Variants in CHD9 observed in about 807,000 individuals in gnomAD.
CHD9 encodes the protein ATP-dependent chromatin remodeler CHD9.
CHD9 carries 77 observed loss-of-function variants against 316.1 expected under a neutral mutation model. That is an observed-to-expected ratio of 0.24 (90% confidence interval 0.20 to 0.29). The LOEUF is 0.29. CHD9 is among the 10% of genes least tolerant of loss of function. CHD9 has a pLI of 1.00. For missense variants in CHD9, 2,763 were observed against 3,438.1 expected (o/e 0.80, Z 4.91); for synonymous variants, 1,129 against 1,158.3 (o/e 0.97, Z 0.51).
At chr16:53,082,836 G>A (rs189337706) in intron 1 of CHD9, among the ~76,000 whole-genome samples, 28 of 152,264 alleles carry the variant, frequency 1.8e-4, no homozygotes, top group African/African-American at 6.5e-4. Context: ...CCTTCTTCCA[G>A]GATACGTTCC....
chr16:53,236,817 T>C (rs2048672872), intron 11 of CHD9, among the ~76,000 whole-genome samples: 1 of 152,132 alleles, frequency 6.6e-6, no homozygotes, highest in Non-Finnish European at 1.5e-5. Flanking sequence ...CTCTCCTAGC[T>C]CTGCAGTACC....
At chr16:53,309,893 C>T (rs1406048116) in intron 34 of CHD9, among the ~76,000 whole-genome samples, 3 of 152,066 alleles carry the variant, frequency 2.0e-5, no homozygotes, top group Non-Finnish European at 1.5e-5. Flanking sequence ...AGTCTTAATG[C>T]GTGGACCACA....
intron 3 of CHD9, among the ~76,000 whole-genome samples, 188 bp from the exon 4 acceptor site, chr16:53,222,456 G>A (rs1050114403): frequency 6.6e-6 from 1 of 152,152 alleles, no homozygotes; most frequent in Non-Finnish European, 1.5e-5. Flanking sequence ...GAATTGGATG[G>A]TGTTTGTTCC....
chr16:53,239,552 A>G (rs1485489227), intron 12 of CHD9, among the ~76,000 whole-genome samples: 1 of 152,174 alleles, frequency 6.6e-6, no homozygotes, highest in African/African-American at 2.4e-5. Context: ...TTTTAAATGG[A>G]AAAGGTTTAT....
chr16:53,297,501 AG>A (rs2054910400), intron 30 of CHD9, among the ~76,000 whole-genome samples: 10 of 152,222 alleles, frequency 6.6e-5, no homozygotes, highest in Admixed American at 6.5e-4. Flanking sequence ...ATTGTGCTAG[AG>A]GGTTTATTTA....
chr16:53,254,751 G>T, intron 18 of CHD9, 146 bp downstream of exon 18: 1 of 558,880 alleles, frequency 1.8e-6, no homozygotes. Flanking sequence ...ACAGAGCTAT[G>T]TTTAGTTAAT....
chr16:53,156,987 C>T lies in CHD9; in HGVS notation c.898C>T (p.Gln300Ter), dbSNP rs1162543787. 6.2e-7 allele frequency: 1 copy of T among 1,612,570 alleles called. No individual in the cohort carries two copies. The highest frequency in any genetic ancestry group is 8.5e-7 in the Non-Finnish European group (1 of 1,179,230). Residue 300 changes from glutamine to a stop codon, truncating the protein, a stop_gained, in exon 2 of 39, where the codon CAG becomes TAG. Transcript: ENST00000447540. LOFTEE classifies it high-confidence loss of function. ...AGTTCTTGCATCTAATCATACAAAT[C>T]AGACTTTATCTGATTTTACTGGAAG... ...SAVLASNHTN[Q>*]TLSDFTGSNS...
chr16:53,143,474 G>A (rs907912196), intron 1 of CHD9, among the ~76,000 whole-genome samples: 2 of 151,008 alleles, frequency 1.3e-5, no homozygotes, highest in East Asian at 2.0e-4. Context: ...TGCAAGCTCC[G>A]CCTCCCGGGT....
chr16:53,248,476 TTTTA>T (rs2049839757), intron 16 of CHD9, among the ~76,000 whole-genome samples: 3 of 151,700 alleles, frequency 2.0e-5, no homozygotes, highest in Non-Finnish European at 4.4e-5. Context: ...GCTATAGATT[TTTTA>T]TTTTATTTTT....
chr16:53,171,882 AC>A (rs2042775749), intron 2 of CHD9, among the ~76,000 whole-genome samples: 1 of 144,478 alleles, frequency 6.9e-6, no homozygotes, highest in Non-Finnish European at 1.5e-5. Context: ...ACACACACAC[AC>A]ACACACACAC....
chr16:53,089,873 C>T (rs1010180176), intron 1 of CHD9, among the ~76,000 whole-genome samples: 2 of 152,190 alleles, frequency 1.3e-5, no homozygotes, highest in Non-Finnish European at 2.9e-5. Context: ...CATGACTGAT[C>T]CCCTTTACAC....
intron 3 of CHD9, among the ~76,000 whole-genome samples, chr16:53,222,416 C>G (rs1183465137): frequency 6.6e-6 from 1 of 152,060 alleles, no homozygotes; most frequent in Non-Finnish European, 1.5e-5. Context: ...AATTGTACTT[C>G]TGAGTACATT....
At chr16:53,111,736 A>T (rs2037880543) in intron 1 of CHD9, among the ~76,000 whole-genome samples, 1 of 152,170 alleles carries the variant, frequency 6.6e-6, no homozygotes, top group South Asian at 2.1e-4. Flanking sequence ...TGTTCATAGG[A>T]ATGTAGTCAT....
At chr16:53,094,429 G>T (rs528686472) in intron 1 of CHD9, among the ~76,000 whole-genome samples, 1 of 152,052 alleles carries the variant, frequency 6.6e-6, no homozygotes, top group South Asian at 2.1e-4. Flanking sequence ...GGGCCGGGGT[G>T]TTTCCCAGCC....
intron 1 of CHD9, chr16:53,131,352 GA>G (rs2039287033): frequency 6.4e-6 from 1 of 156,848 alleles, no homozygotes; most frequent in East Asian, 1.9e-4. Flanking sequence ...CCGGTGGGGG[GA>G]GGGGGGAGGG....
intron 1 of CHD9, among the ~76,000 whole-genome samples, chr16:53,136,428 G>A (rs537190204): frequency 1.3e-5 from 2 of 151,732 alleles, no homozygotes; most frequent in Non-Finnish European, 2.9e-5. Flanking sequence ...GATGTATCTT[G>A]TTCCTTTGTA....
intron 1 of CHD9, among the ~76,000 whole-genome samples, chr16:53,123,745 G>GCCCACCT (rs1489495215): frequency 6.6e-6 from 1 of 151,682 alleles, no homozygotes; most frequent in Non-Finnish European, 1.5e-5. Context: ...CAAGTGATCT[G>GCCCACCT]CCCACCTCGG....
In CHD9 at chr16:53,307,852, C is replaced by T. The variant is rs771079651; in HGVS notation, c.6952C>T (p.Pro2318Ser). The part of the protein sequence containing the change: ...TEYSDPSVPT[P>S]PGAGVKEEHD... Reference sequence around the variant, plus strand: ...ATACAGCGATCCCAGTGTACCCACTCCCCCAGGTGCCGGTGTTAAAGAAGA... The same window carrying T: ...ATACAGCGATCCCAGTGTACCCACTTCCCCAGGTGCCGGTGTTAAAGAAGA... The change falls in exon 33 of 39, where the codon CCC becomes TCC. Residue 2318 changes from proline to serine, a missense_variant. Coordinates refer to ENST00000447540, the MANE Select transcript of CHD9 (RefSeq NM_001308319.2). 5 of 1,613,300 alleles carry T rather than the reference C, an allele frequency of 3.1e-6. No individual in the cohort carries two copies. The highest frequency in any genetic ancestry group is 4.5e-5 in the East Asian group (2 of 44,860).
chr16:53,155,714 C>A (rs184008217), intron 1 of CHD9, among the ~76,000 whole-genome samples: 113 of 152,260 alleles, frequency 7.4e-4, no homozygotes, highest in African/African-American at 1.8e-3. Context: ...TCTACCCACC[C>A]ACCATGCCAC....
Sources: allele counts gnomAD v4.1 joint callset (sites outside exome capture counted in the v4.1 genomes callset), GRCh38; gene constraint gnomAD v4.1.1; transcripts MANE v1.5; gene names NCBI Gene and HGNC (gene_info 2026-07-23, HGNC 2026-07-21).